Variants in TMTC2 observed in about 807,000 individuals in gnomAD.
TMTC2 encodes the protein protein O-mannosyl-transferase TMTC2.
A neutral mutation model predicts 82.4 loss-of-function variants in TMTC2; 43 were observed. The observed-to-expected ratio is 0.52, with a 90% CI of 0.41 to 0.67. The LOEUF (loss-of-function observed/expected upper bound fraction) is 0.67. Ranked by LOEUF, TMTC2 falls within the 30% of genes least tolerant of loss-of-function variation. The pLI, the probability that TMTC2 is intolerant of heterozygous loss-of-function variation, is 0.00. For missense variants in TMTC2, 919 were observed against 1,012.4 expected, an observed-to-expected ratio of 0.91 and a Z score of 1.25; for synonymous variants, 408 against 381.9, an observed-to-expected ratio of 1.07 and a Z score of -0.80.
intron 3 of TMTC2, among the ~76,000 whole-genome samples, chr12:82,917,058 C>A (rs1255223272): frequency 6.6e-6 from 1 of 152,202 alleles, no homozygotes; most frequent in East Asian, 1.9e-4. Flanking sequence ...CTTACAAAGG[C>A]TCTTATTTCC....
At chr12:82,918,621 G>A (rs1875165838) in intron 3 of TMTC2, among the ~76,000 whole-genome samples, 1 of 152,104 alleles carries the variant, frequency 6.6e-6, no homozygotes, top group African/African-American at 2.4e-5. Context: ...AACCCAAAGA[G>A]GAGTGATTAC....
At chr12:83,115,921 G>A (rs757244542) in intron 11 of TMTC2, among the ~76,000 whole-genome samples, 68 of 152,096 alleles carry the variant, frequency 4.5e-4, no homozygotes, top group Admixed American at 7.9e-4. Context: ...CGTAGTAGCT[G>A]GGACTACAGG....
chr12:83,078,756 C>T (rs1354381718), intron 11 of TMTC2, among the ~76,000 whole-genome samples: 1 of 152,016 alleles, frequency 6.6e-6, no homozygotes, highest in Non-Finnish European at 1.5e-5. Context: ...TATCTTCACT[C>T]TTTTATTCTG....
intron 3 of TMTC2, among the ~76,000 whole-genome samples, chr12:82,907,103 T>C (rs988903442): frequency 2.6e-5 from 4 of 152,206 alleles, no homozygotes; most frequent in African/African-American, 9.6e-5. Flanking sequence ...TATTTGATTC[T>C]TGAAGAAATC....
intron 2 of TMTC2, among the ~76,000 whole-genome samples, chr12:82,895,390 A>T (rs1322426853): frequency 6.6e-6 from 1 of 152,176 alleles, no homozygotes; most frequent in East Asian, 1.9e-4. Context: ...TTTTTCTTCA[A>T]AATCTAAACT....
intron 4 of TMTC2, among the ~76,000 whole-genome samples, chr12:82,957,871 G>A (rs982961198): frequency 6.6e-6 from 1 of 151,836 alleles, no homozygotes; most frequent in African/African-American, 2.4e-5. Context: ...TTAAAAAAAA[G>A]AAAAACACAA....
intron 1 of TMTC2, among the ~76,000 whole-genome samples, chr12:82,751,752 ATGTT>A (rs1194848988): frequency 2.6e-5 from 4 of 152,164 alleles, no homozygotes; most frequent in African/African-American, 9.7e-5. Flanking sequence ...GATACATTCA[ATGTT>A]TGTAGTCTTT....
At chr12:82,714,701 G>A (rs1044571412) in intron 1 of TMTC2, among the ~76,000 whole-genome samples, 4 of 151,988 alleles carry the variant, frequency 2.6e-5, no homozygotes, top group Admixed American at 6.6e-5. Flanking sequence ...GTTAGGGACC[G>A]TGAATTTTTT....
At chr12:82,876,046 T>TGGC (rs1872493762) in intron 2 of TMTC2, among the ~76,000 whole-genome samples, 2 of 118,692 alleles carry the variant, frequency 1.7e-5, no homozygotes, top group African/African-American at 6.1e-5. Context: ...GTGGTGGTGG[T>TGGC]GGTGGTGGTG....
intron 2 of TMTC2, among the ~76,000 whole-genome samples, chr12:82,879,473 A>G (rs1872726143): frequency 6.6e-6 from 1 of 152,124 alleles, no homozygotes; most frequent in Non-Finnish European, 1.5e-5. Flanking sequence ...GCTGCTCCTT[A>G]TCTGACAGGA....
chr12:82,751,172 T>C (rs1454944102), intron 1 of TMTC2, among the ~76,000 whole-genome samples: 3 of 152,062 alleles, frequency 2.0e-5, no homozygotes, highest in Non-Finnish European at 4.4e-5. Flanking sequence ...ATTAAGAAAA[T>C]GTGGCACATA....
In TMTC2 at chr12:82,895,802, T is replaced by C. The variant is rs1330019795; in HGVS notation, c.655-16T>C. 5.7e-6 allele frequency: 9 copies of C among 1,580,832 alleles called. No individual in the cohort carries two copies. Among genetic ancestry groups the C allele is most frequent in the Non-Finnish European group, 8.6e-7 (1 of 1,164,618 alleles). On this transcript the variant is annotated splice_polypyrimidine_tract_variant and intron_variant, in intron 2 of 11. Coordinates refer to ENST00000321196, the MANE Select transcript of TMTC2 (RefSeq NM_152588.3). The stretch of plus-strand genomic sequence containing the variant: ...GATAATAATCTTAATTTTTCCCTTC[T>C]CTCTTTTGGTTTCAGAGGAAGAACT...
chr12:82,803,344 G>T (rs1327715212), intron 1 of TMTC2, among the ~76,000 whole-genome samples: 2 of 152,120 alleles, frequency 1.3e-5, no homozygotes, highest in Middle Eastern at 3.2e-3. Flanking sequence ...CACCCACCAG[G>T]AATATCAGGC....
At chr12:82,765,150 G>A (rs1400312867) in intron 1 of TMTC2, among the ~76,000 whole-genome samples, 1 of 152,280 alleles carries the variant, frequency 6.6e-6, no homozygotes, top group East Asian at 1.9e-4. Flanking sequence ...CAAAAATGGG[G>A]AGGCAGGTTT....
At chr12:82,947,698 T>TA (rs1470710277) in intron 4 of TMTC2, among the ~76,000 whole-genome samples, 1 of 152,194 alleles carries the variant, frequency 6.6e-6, no homozygotes, top group Admixed American at 6.5e-5. Flanking sequence ...GGCCATTTCT[T>TA]ACGCCCTGTT....
At chr12:82,843,459 A>G (rs1870455611) in intron 1 of TMTC2, among the ~76,000 whole-genome samples, 1 of 152,194 alleles carries the variant, frequency 6.6e-6, no homozygotes, top group Non-Finnish European at 1.5e-5. Context: ...GAAGAAGATC[A>G]TGAACCTGAG....
At chr12:83,128,961 C>T (rs770334903) in intron 11 of TMTC2, among the ~76,000 whole-genome samples, 2 of 152,046 alleles carry the variant, frequency 1.3e-5, no homozygotes, top group African/African-American at 4.8e-5. Flanking sequence ...TCAGAATAAA[C>T]GTTGACTTTC....
At chr12:83,067,329 T>C (rs2033576) in intron 11 of TMTC2, among the ~76,000 whole-genome samples, 10,852 of 152,038 alleles carry the variant, frequency 0.071, 462 homozygotes, top group Middle Eastern at 0.095. Context: ...AATAAATATT[T>C]GAATTTATTA....
chr12:82,728,063 T>C (rs903866467), intron 1 of TMTC2, among the ~76,000 whole-genome samples: 3 of 152,124 alleles, frequency 2.0e-5, no homozygotes, highest in Admixed American at 1.3e-4. Flanking sequence ...CTGTTCTTCC[T>C]GTGGTACCAG....
Sources: allele counts gnomAD v4.1 joint callset (sites outside exome capture counted in the v4.1 genomes callset), GRCh38; gene constraint gnomAD v4.1.1; transcripts MANE v1.5; gene names NCBI Gene and HGNC (gene_info 2026-07-23, HGNC 2026-07-21).